PEF1: variants seen among roughly 807,000 people sequenced by gnomAD.
PEF1 encodes penta-EF-hand domain containing 1, also known as peflin.
A neutral mutation model predicts 32.0 loss-of-function variants in PEF1; 17 were observed. That is an observed-to-expected ratio of 0.53 (90% CI 0.36 to 0.80). The LOEUF is 0.80. Among genes scored for constraint, PEF1 ranks in the 30% least tolerant of loss-of-function variants. PEF1 has a pLI of 0.00. For synonymous variants in PEF1, 130 were observed against 139.8 expected (o/e 0.93, Z 0.50); for missense variants, 362 against 369.1 (o/e 0.98, Z 0.16).
chr1:31,630,975 A>G, intron 4 of PEF1, 133 bp from the exon 5 acceptor site: 1 of 759,124 alleles, frequency 1.3e-6, no homozygotes, highest in South Asian at 1.7e-5. Context: ...AGGGTAGAGA[A>G]ATCCCAAGGG....
rs751533337 is a variant in PEF1, at chr1:31,632,531, G to A, written c.589C>T (p.Arg197Cys). The A allele has an allele frequency of 1.5e-5, 24 of 1,614,110 alleles. No individual in the cohort carries two copies. Among genetic ancestry groups the A allele is most frequent in the East Asian group, 4.5e-5 (2 of 44,896 alleles). ...TCTGTGTAGCTAATGGAGCCCGAGC[G>A]GTCCCGGTCATACTGCTGGAAGAGG... ...KNLFQQYDRD[R>C]SGSISYTELQ... The change falls in exon 4 of 5, where the codon CGC becomes TGC. Residue 197 changes from arginine to cysteine, a missense_variant. Physicochemically the swap from Arg to Cys is radical, Grantham distance 180. Transcript: ENST00000373703.
chr1:31,642,038 C>T (rs1344667096), intron 1 of PEF1, among the ~76,000 whole-genome samples: 1 of 152,140 alleles, frequency 6.6e-6, no homozygotes, highest in African/African-American at 2.4e-5. Context: ...TTGAGACCAG[C>T]CTGGCCAACA....
intron 4 of PEF1, 68 bp from the exon 5 acceptor site, chr1:31,630,910 T>G: frequency 1.5e-6 from 2 of 1,299,342 alleles, no homozygotes; most frequent in Non-Finnish European, 2.2e-6. Flanking sequence ...CAATCAGGAA[T>G]ACTGGATCAC....
chr1:31,633,283 G>A lies in PEF1; in HGVS notation c.357C>T (p.Ala119=), dbSNP rs1217517088. 5 of 1,613,822 alleles carry A rather than the reference G, an allele frequency of 3.1e-6. No homozygotes were observed. The highest frequency in any genetic ancestry group is 1.1e-5 in the South Asian group (1 of 91,050). ...GGAPPNVDPE[A]YSWFQSVDSD... ...AGTCCACCGACTGGAACCAGGAGTA[G>A]GCCTCAGGATCCACATTGGGAGGGG... The change falls in exon 3 of 5, where the codon GCC becomes GCT. Residue 119 remains alanine (A), a synonymous_variant. Coordinates refer to ENST00000373703, the MANE Select transcript of PEF1 (RefSeq NM_012392.4).
intron 1 of PEF1, chr1:31,644,249 C>T (rs1640484914): frequency 7.5e-6 from 3 of 397,590 alleles, no homozygotes; most frequent in Non-Finnish European, 1.0e-5. Context: ...CTGAAGATAG[C>T]CCGGGTTCTG....
At chr1:31,639,459 C>G (rs1366503508) in intron 1 of PEF1, among the ~76,000 whole-genome samples, 3 of 152,242 alleles carry the variant, frequency 2.0e-5, no homozygotes, top group Non-Finnish European at 2.9e-5. Flanking sequence ...CAAGCCTCCA[C>G]AAATATTTGG....
In PEF1 at chr1:31,630,651, C is replaced by T. The variant is rs922785030; in HGVS notation, c.817G>A (p.Glu273Lys). The T allele has an allele frequency of 3.1e-6, 5 of 1,612,876 alleles. No homozygotes were observed. The highest frequency in any genetic ancestry group is 1.3e-5 in the African/African-American group (1 of 75,022). The change falls in exon 5 of 5, where the codon GAG becomes AAG. Residue 273 changes from glutamate (E) to lysine (K), a missense_variant. Glu to Lys is a moderately conservative substitution (Grantham distance 56). Coordinates refer to ENST00000373703, the MANE Select transcript of PEF1 (RefSeq NM_012392.4). ...GAAGCTGTCATGGTGACGAAGTCCT[C>T]GAAGCTGAGCCGAATGTTGCCTTGT... ...AVQGNIRLSF[E>K]DFVTMTASRM... is the part of the protein sequence containing the mutation.
At chr1:31,630,896 C>T (rs1275883006) in intron 4 of PEF1, 54 bp from the exon 5 acceptor site, 2 of 1,409,028 alleles carry the variant, frequency 1.4e-6, no homozygotes, top group Non-Finnish European at 2.0e-6. Flanking sequence ...ATGAGCACCT[C>T]CATCAATCAG....
chr1:31,638,311 TG>T (rs1640310182), intron 1 of PEF1, among the ~76,000 whole-genome samples: 1 of 152,090 alleles, frequency 6.6e-6, no homozygotes, highest in Admixed American at 6.6e-5. Flanking sequence ...TGCTGTGAGC[TG>T]GAGGAAGAGA....
intron 4 of PEF1, chr1:31,632,213 C>G: frequency 1.6e-6 from 1 of 617,598 alleles, no homozygotes; most frequent in East Asian, 2.8e-5. Context: ...CTTAAGGTGC[C>G]AAGTTTCCAT....
chr1:31,635,434 C>A lies in PEF1; in HGVS notation c.113G>T (p.Ser38Ile). Residue 38 changes from serine to isoleucine, a missense_variant, in exon 2 of 5, where the codon AGT becomes ATT. Transcript: ENST00000373703. ...ATAACCACCACCAGGGGGTAGCCCA[C>A]TACCATACTGCCCTCCACTATTGGG... ...GPPNSGGQYG[S>I]GLPPGGGYGG... 1 of 1,610,882 alleles carries A rather than the reference C, an allele frequency of 6.2e-7. No individual in the cohort carries two copies. The highest frequency in any genetic ancestry group is 8.5e-7 in the Non-Finnish European group (1 of 1,178,314).
At chr1:31,641,969 C>T (rs113309943) in intron 1 of PEF1, among the ~76,000 whole-genome samples, 1,594 of 152,368 alleles carry the variant, frequency 0.01, 23 homozygotes, top group African/African-American at 0.037. Context: ...TGGTGGCTCA[C>T]GCCTGTAATC....
At chr1:31,634,966 A>C in intron 2 of PEF1, 13 of 633,992 alleles carry the variant, frequency 2.1e-5, no homozygotes, top group Non-Finnish European at 2.0e-5. Flanking sequence ...GACACAGGGA[A>C]CAGAAACTCA....
At chr1:31,631,305 AT>A (rs1456492241) in intron 4 of PEF1, among the ~76,000 whole-genome samples, 2 of 152,196 alleles carry the variant, frequency 1.3e-5, no homozygotes, top group African/African-American at 4.8e-5. Flanking sequence ...TAAAATGGGG[AT>A]AATACTTAAC....
At chr1:31,638,010 C>G (rs1204312067) in intron 1 of PEF1, among the ~76,000 whole-genome samples, 1 of 152,154 alleles carries the variant, frequency 6.6e-6, no homozygotes, top group Non-Finnish European at 1.5e-5. Context: ...TGAAGGCACT[C>G]ACAGTTAACA....
At chr1:31,635,656 C>T in intron 1 of PEF1, 134 bp from the exon 2 acceptor site, 1 of 968,996 alleles carries the variant, frequency 1.0e-6, no homozygotes, top group Non-Finnish European at 1.4e-6. Context: ...ATTATGATCT[C>T]ACTGCTCAGA....
At chr1:31,638,698 CTG>C (rs1640319715) in intron 1 of PEF1, among the ~76,000 whole-genome samples, 1 of 152,266 alleles carries the variant, frequency 6.6e-6, no homozygotes, top group Non-Finnish European at 1.5e-5. Context: ...AAGACCTCCT[CTG>C]TAGTTTACAA....
chr1:31,631,189 TGCCTGGG>T (rs1425459270), intron 4 of PEF1, among the ~76,000 whole-genome samples: 3 of 152,204 alleles, frequency 2.0e-5, no homozygotes, highest in South Asian at 4.1e-4. Flanking sequence ...AGGACCACCT[TGCCTGGG>T]GCAGACATCA....
chr1:31,633,342 A>G, intron 2 of PEF1, 28 bp from the exon 3 acceptor site: 13 of 1,588,502 alleles, frequency 8.2e-6, no homozygotes, highest in Non-Finnish European at 1.1e-5. Flanking sequence ...AAGGCCATCA[A>G]CAGAAATGCC....
Sources: allele counts gnomAD v4.1 joint callset (sites outside exome capture counted in the v4.1 genomes callset), GRCh38; gene constraint gnomAD v4.1.1; transcripts MANE v1.5; gene names NCBI Gene and HGNC (gene_info 2026-07-23, HGNC 2026-07-21).